Variants in PCM1 observed in about 807,000 individuals in gnomAD.
PCM1 encodes the protein pericentriolar material 1.
Under a neutral mutation model 241.9 loss-of-function variants are expected in PCM1, and 157 were observed. The ratio of observed to expected loss-of-function variants is 0.65; its 90% confidence interval spans 0.57 to 0.74. The LOEUF is 0.74. Among genes scored for constraint, PCM1 ranks in the 30% least tolerant of loss-of-function variants. The pLI, the probability that PCM1 is intolerant of heterozygous loss-of-function variation, is 0.00. For missense variants in PCM1, 3,478 were observed against 2,360.1 expected, an observed-to-expected ratio of 1.47 and a Z score of -9.81; for synonymous variants, 1,085 against 784.9, an observed-to-expected ratio of 1.38 and a Z score of -6.39.
chr8:17,973,951 A>G (rs1254481746), intron 23 of PCM1, among the ~76,000 whole-genome samples: 1 of 152,202 alleles, frequency 6.6e-6, no homozygotes, highest in African/African-American at 2.4e-5. Flanking sequence ...TGAAAACCAC[A>G]GATACAAGAG....
At chr8:17,923,650 G>A (rs899070330) in intron 1 of PCM1, among the ~76,000 whole-genome samples, 1 of 152,012 alleles carries the variant, frequency 6.6e-6, no homozygotes, top group South Asian at 2.1e-4. Context: ...CAGAGTTTGG[G>A]GTGTAGAAGG....
chr8:17,952,633 C>T (rs1268639412), intron 8 of PCM1, among the ~76,000 whole-genome samples: 1 of 152,130 alleles, frequency 6.6e-6, no homozygotes, highest in African/African-American at 2.4e-5. Context: ...TATAAGTAGT[C>T]TAGAGCTGAT....
intron 24 of PCM1, among the ~76,000 whole-genome samples, chr8:17,983,968 G>C (rs911069574): frequency 1.3e-5 from 2 of 152,036 alleles, no homozygotes; most frequent in African/African-American, 4.8e-5. Flanking sequence ...CTGAAAATAG[G>C]ATATAAAAAC....
At chr8:17,952,438 C>A (rs762334129) in intron 8 of PCM1, among the ~76,000 whole-genome samples, 1 of 152,072 alleles carries the variant, frequency 6.6e-6, no homozygotes, top group Non-Finnish European at 1.5e-5. Flanking sequence ...TCCAAGACCT[C>A]TGTGTGGTCA....
chr8:17,995,667 T>A (rs544021597), intron 29 of PCM1, among the ~76,000 whole-genome samples: 1 of 148,780 alleles, frequency 6.7e-6, no homozygotes, highest in African/African-American at 2.6e-5. Flanking sequence ...GTACAGACAT[T>A]TTAACAATAT....
At chr8:17,962,348 A>G (rs1215404985) in intron 16 of PCM1, 174 bp downstream of exon 16, 4 of 326,084 alleles carry the variant, frequency 1.2e-5, no homozygotes, top group African/African-American at 4.3e-5. Context: ...TTATAATAAT[A>G]TAAGAAAGAT....
chr8:18,015,247 A>C (rs2129486430), intron 36 of PCM1, among the ~76,000 whole-genome samples: 1 of 106,644 alleles, frequency 9.4e-6, no homozygotes, highest in Middle Eastern at 5.3e-3. Flanking sequence ...TATACAGTGA[A>C]TGATAAAAAA....
chr8:17,943,655 TC>T (rs1482660071), intron 6 of PCM1, among the ~76,000 whole-genome samples: 2 of 152,218 alleles, frequency 1.3e-5, no homozygotes, highest in Non-Finnish European at 2.9e-5. Context: ...ATTTTGACTT[TC>T]TTGATTCTTA....
chr8:17,949,710 T>A (rs1397384186), intron 7 of PCM1, among the ~76,000 whole-genome samples: 2 of 152,142 alleles, frequency 1.3e-5, no homozygotes, highest in Admixed American at 6.5e-5. Context: ...GTGCCCAGGC[T>A]GGTCTTGAAC....
chr8:17,971,903 C>T (rs2076975248), intron 22 of PCM1, among the ~76,000 whole-genome samples: 2 of 152,086 alleles, frequency 1.3e-5, no homozygotes, highest in Non-Finnish European at 2.9e-5. Context: ...GCCACTGTGC[C>T]TGGCTCATTT....
At position 17,960,339 on chromosome 8, in the gene PCM1, A is replaced by G. The variant is rs1242496153; in HGVS notation, c.2217A>G (p.Leu739=). Residue 739 remains leucine, a synonymous_variant, in exon 15 of 39, where the codon CTA becomes CTG. Transcript: ENST00000325083. ...KAREKFYEAK[L]QQQQRELKQL... is the part of the protein sequence containing the mutation. ...GAGAGAAATTTTATGAGGCTAAACT[A>G]CAGCAGCAACAGAGAGAGCTAAAAC... 4 of 1,595,130 alleles carry G rather than the reference A, an allele frequency of 2.5e-6. No homozygotes were observed. The highest frequency in any genetic ancestry group is 2.2e-5 in the East Asian group (1 of 44,762).
At chr8:17,976,434 G>C (rs1337130124) in intron 23 of PCM1, among the ~76,000 whole-genome samples, 1 of 152,178 alleles carries the variant, frequency 6.6e-6, no homozygotes, top group Non-Finnish European at 1.5e-5. Context: ...TGTTTCATTA[G>C]AACCTGAGAG....
chr8:17,944,266 A>G (rs1191201585), intron 6 of PCM1, among the ~76,000 whole-genome samples: 1 of 152,190 alleles, frequency 6.6e-6, no homozygotes. Flanking sequence ...TTTGGAGCAG[A>G]TAGTATGACG....
At chr8:17,989,710 TATC>T (rs1392727688) in intron 26 of PCM1, 146 bp from the exon 27 acceptor site, 6 of 540,920 alleles carry the variant, frequency 1.1e-5, no homozygotes, top group Non-Finnish European at 1.9e-5. Context: ...TTGGTTATAT[TATC>T]ATCTTGTTTG....
intron 22 of PCM1, among the ~76,000 whole-genome samples, chr8:17,971,468 A>G (rs943086851): frequency 2.2e-4 from 34 of 152,208 alleles, no homozygotes; most frequent in African/African-American, 8.2e-4. Flanking sequence ...CCCAACCTAG[A>G]CGACCGATGA....
At chr8:17,980,366 A>C (rs1000487600) in intron 23 of PCM1, 4 of 373,632 alleles carry the variant, frequency 1.1e-5, no homozygotes, top group Non-Finnish European at 1.9e-5. Flanking sequence ...CATTAAGATG[A>C]GTATCAAAGA....
rs1227787597 is a variant in PCM1, at chr8:17,956,637, G to C, written c.1506G>C (p.Glu502Asp). The change falls in exon 11 of 39, where the codon GAG becomes GAC. Residue 502 changes from glutamate to aspartate, a missense_variant. Transcript: ENST00000325083. ...ATGAAGTTCGAAAGAGATTGAATGA[G>C]CTAAGAGAATTAGTTCATTATTATG... is the stretch of plus-strand genomic sequence containing the variant. ...KLNEVRKRLN[E>D]LRELVHYYEQ... is the part of the protein sequence containing the mutation. 1 of 1,599,112 alleles carries C rather than the reference G, an allele frequency of 6.3e-7. No individual in the cohort carries two copies. Among genetic ancestry groups the C allele is most frequent in the African/African-American group, 1.3e-5 (1 of 74,758 alleles).
At chr8:18,022,599 G>A (rs912174661) in intron 36 of PCM1, among the ~76,000 whole-genome samples, 11 of 152,176 alleles carry the variant, frequency 7.2e-5, no homozygotes, top group African/African-American at 2.4e-4. Context: ...CAGAAGCAAA[G>A]GTATGTCCTG....
Position 17,947,300 on chromosome 8 carries a change from C to T in PCM1, c.898C>T (p.Gln300Ter), listed in dbSNP as rs1305404577. 6.2e-7 allele frequency: 1 copy of T among 1,612,580 alleles called. No individual in the cohort carries two copies. Among genetic ancestry groups the T allele is most frequent in the South Asian group, 1.1e-5 (1 of 90,878 alleles). Residue 300 changes from glutamine (Q) to a stop codon, truncating the protein, a stop_gained, in exon 7 of 39, where the codon CAG (glutamine) becomes TAG (stop). Coordinates refer to ENST00000325083, the MANE Select transcript of PCM1 (RefSeq NM_006197.4). LOFTEE classifies it high-confidence loss of function. The part of the protein sequence containing the change: ...QEQLRALQGR[Q>*]AALLALQHKA... The stretch of plus-strand genomic sequence containing the variant: ...GCAACTAAGAGCTCTACAGGGACGG[C>T]AGGCTGCACTTCTAGCTCTGCAACA...
Sources: gnomAD v4.1 joint callset for allele counts (sites outside exome capture counted in the v4.1 genomes callset) on GRCh38, gnomAD v4.1.1 for gene constraint, MANE v1.5 for transcripts, NCBI Gene and HGNC (gene_info 2026-07-23, HGNC 2026-07-21) for gene names.